The following KCNH2 variants were observed in gnomAD, a reference collection of about 807,000 sequenced individuals.
The protein encoded by KCNH2 is voltage-gated inwardly rectifying potassium channel KCNH2.
Under a neutral mutation model 95.9 loss-of-function variants are expected in KCNH2, and 35 were observed. The observed-to-expected ratio is 0.37, with a 90% CI of 0.28 to 0.48. The LOEUF (loss-of-function observed/expected upper bound fraction) is 0.48. Among genes scored for constraint, KCNH2 ranks in the 20% least tolerant of loss-of-function variants. KCNH2 has a pLI of 0.99. For synonymous variants in KCNH2, 786 were observed against 754.7 expected (o/e 1.04, Z -0.68); for missense variants, 1,274 against 1,702.9 (o/e 0.75, Z 4.43).
chr7:150,952,324 CTT>C lies in KCNH2; in HGVS notation c.1557+99_1557+100del. On this transcript the variant is annotated intron_variant, in intron 6 of 14. Coordinates refer to ENST00000262186, the MANE Select transcript of KCNH2 (RefSeq NM_000238.4). This position sits in a 1 kb window ranked among gnomAD's most constrained non-coding sequence, Gnocchi z 7.3. ...TCTTTCTCTCTTTCTCTCTCTCTCT[CTT>C]TTTCTCTGTCCTCCTCGCCACCCCC... The C allele has an allele frequency of 8.3e-7, 1 of 1,205,614 alleles. No homozygotes were observed. 74.7% of individuals were successfully genotyped at this position (1,205,614 alleles called of 1,614,324 possible).
chr7:150,949,388 A>G, intron 9 of KCNH2: 3 of 1,079,030 alleles, frequency 2.8e-6, no homozygotes, highest in African/African-American at 1.6e-5. Flanking sequence ...ATCAGAACAC[A>G]GTAGTGAATC....
chr7:150,955,776 C>T (rs1052839192), intron 5 of KCNH2: 95 of 1,208,138 alleles, frequency 7.9e-5, no homozygotes, highest in South Asian at 1.1e-4. Flanking sequence ...GTGCTCTGCC[C>T]GCCCGCCAGC....
intron 1 of KCNH2, among the ~76,000 whole-genome samples, chr7:150,977,533 A>G (rs1267058719): frequency 1.3e-5 from 2 of 151,988 alleles, no homozygotes; most frequent in South Asian, 2.1e-4. Context: ...AGTTGGGGAC[A>G]CCTGCACACT....
In KCNH2 at chr7:150,946,495, G is replaced by A. The variant is rs984310511; in HGVS notation, c.3330+382C>T. Among the ~76,000 whole-genome samples, 4 of 152,212 alleles carry A rather than the reference G, an allele frequency of 2.6e-5. No homozygotes were observed. The highest frequency in any genetic ancestry group is 7.2e-5 in the African/African-American group (3 of 41,468). ...TCTGGTATGCAGCCTCCACCGCCACGTCTCGGGCTCAGTCAGTTCTTGGAG... is the reference window on the plus strand; with the variant it reads ...TCTGGTATGCAGCCTCCACCGCCACATCTCGGGCTCAGTCAGTTCTTGGAG... On this transcript the variant is annotated intron_variant, in intron 14 of 14. Coordinates refer to ENST00000262186, the MANE Select transcript of KCNH2 (RefSeq NM_000238.4). The surrounding 1 kb of genome is among the most constrained non-coding windows in gnomAD (Gnocchi z 6.5).
At chr7:150,948,694 G>T in intron 10 of KCNH2, 151 bp from the exon 11 acceptor site, 1 of 1,101,288 alleles carries the variant, frequency 9.1e-7, no homozygotes, top group Non-Finnish European at 1.4e-6. Flanking sequence ...TTTTGCCCCA[G>T]GCAAAGACTG....
At position 150,947,526 on chromosome 7, in the gene KCNH2, G is replaced by A; in HGVS notation, c.2966-12C>T. 6 of 1,598,406 alleles carry A rather than the reference G, an allele frequency of 3.8e-6. No individual in the cohort carries two copies. Among genetic ancestry groups the A allele is most frequent in the Non-Finnish European group, 4.3e-6 (5 of 1,173,208 alleles). ...TCCTGAGAAGGCGCCTGCAGCCAGA[G>A]AGCAGAGCTGGGTGAGCGGGGTAGA... On this transcript the variant is annotated splice_polypyrimidine_tract_variant and intron_variant, in intron 12 of 14. Transcript: ENST00000262186.
intron 2 of KCNH2, 129 bp downstream of exon 2, chr7:150,974,582 C>T (rs1286684759): frequency 1.2e-6 from 1 of 823,834 alleles, no homozygotes; most frequent in East Asian, 2.8e-5. Context: ...CCCACAGAAC[C>T]CTGCCCGGGC....
chr7:150,949,406 GC>G (rs1207674129), intron 9 of KCNH2: 9 of 523,364 alleles, frequency 1.7e-5, no homozygotes, highest in Admixed American at 1.2e-4. Context: ...ATCAAAACCA[GC>G]ATTTTTTTTT....
chr7:150,970,215 C>A (rs1218945075), intron 2 of KCNH2, among the ~76,000 whole-genome samples: 1 of 151,998 alleles, frequency 6.6e-6, no homozygotes, highest in African/African-American at 2.4e-5. Flanking sequence ...TCCAAAATCA[C>A]CCCACCCAGG....
rs1354547135 is a variant in KCNH2, at chr7:150,952,349, C to T, written c.1557+76G>A. 3.5e-6 allele frequency: 5 copies of T among 1,411,464 alleles called. No individual in the cohort carries two copies. Among genetic ancestry groups the T allele is most frequent in the Non-Finnish European group, 4.9e-6 (5 of 1,015,850 alleles). 87.4% of individuals were successfully genotyped at this position (1,411,464 alleles called of 1,614,324 possible). ...CTTTTTCTCTGTCCTCCTCGCCACC[C>T]CCTCCACCCCACTACCTCCCACCAC... On this transcript the variant is annotated intron_variant, in intron 6 of 14. Transcript: ENST00000262186. This position sits in a 1 kb window ranked among gnomAD's most constrained non-coding sequence, Gnocchi z 7.3.
chr7:150,955,431 G>T (rs767264288), intron 5 of KCNH2: 2 of 1,565,506 alleles, frequency 1.3e-6, no homozygotes, highest in Non-Finnish European at 1.7e-6. Flanking sequence ...CGCACGGCCC[G>T]CCTCACCCGG....
chr7:150,950,568 G>T, intron 8 of KCNH2, 148 bp from the exon 9 acceptor site: 2 of 1,109,748 alleles, frequency 1.8e-6, no homozygotes, highest in Non-Finnish European at 1.3e-6. Context: ...CCAGTGTCTT[G>T]GGAAGGACCT....
In KCNH2 at chr7:150,952,956, CA is replaced by C. The variant is rs997093433; in HGVS notation, c.1129-104del. ...GGGCCAAGCAGAATGAGGAGGAGGC[CA>C]AAAAAAGCTTCCATCAGAATGCCCA... On this transcript the variant is annotated intron_variant, in intron 5 of 14. Transcript: ENST00000262186. The surrounding 1 kb of genome is among the most constrained non-coding windows in gnomAD (Gnocchi z 7.3). 56 of 1,135,472 alleles carry C rather than the reference CA, an allele frequency of 4.9e-5. No individual in the cohort carries two copies. The highest frequency in any genetic ancestry group is 5.9e-5 in the Non-Finnish European group (47 of 795,670). 70.3% of individuals were successfully genotyped at this position (1,135,472 alleles called of 1,614,324 possible). A position where few individuals can be genotyped will look rare whatever the true frequency, so the allele number is the denominator to read the frequency against.
intron 1 of KCNH2, 24 bp from the exon 2 acceptor site, chr7:150,974,965 C>T: frequency 1.9e-6 from 3 of 1,557,844 alleles, no homozygotes; most frequent in African/African-American, 2.7e-5. Context: ...GAGGAGAGTG[C>T]GCGTGAGCGG....
At chr7:150,967,669 A>G (rs1195421017) in intron 2 of KCNH2, among the ~76,000 whole-genome samples, 1 of 152,290 alleles carries the variant, frequency 6.6e-6, no homozygotes, top group Admixed American at 6.5e-5. Flanking sequence ...AACTGAGAAC[A>G]GCAAAACAAT....
chr7:150,949,043 T>C lies in KCNH2; in HGVS notation c.2405A>G (p.Asn802Ser), dbSNP rs863224632. 1.1e-5 allele frequency: 18 copies of C among 1,614,054 alleles called. No individual in the cohort carries two copies. The highest frequency in any genetic ancestry group is 1.5e-5 in the Non-Finnish European group (18 of 1,179,958). Reference protein sequence around the residue: ...GDVVVAILGKNDIFGEPLNLY... With the variant: ...GDVVVAILGKSDIFGEPLNLY... The stretch of plus-strand genomic sequence containing the variant: ...GTTCAGAGGCTCCCCAAAGATGTCA[T>C]TCTTCCCTGGAGGCCATGGAGAGGA... The change falls in exon 10 of 15, where the codon AAT becomes AGT. Residue 802 changes from asparagine to serine, a missense_variant. Physicochemically the swap from Asn to Ser is conservative, Grantham distance 46 (BLOSUM62 1). Transcript: ENST00000262186.
chr7:150,958,004 C>G (rs1180548014), intron 4 of KCNH2, 55 bp downstream of exon 4: 1 of 1,251,570 alleles, frequency 8.0e-7, no homozygotes, highest in Non-Finnish European at 1.0e-6. Context: ...ATGCAGCAAG[C>G]CTGGCAGCAG....
At position 150,961,350 on chromosome 7, in the gene KCNH2, T is replaced by G. The variant is rs1267778486; in HGVS notation, c.308-1614A>C. Among the ~76,000 whole-genome samples the G allele has an allele frequency of 1.3e-5, 2 of 148,732 alleles. No individual in the cohort carries two copies. The highest frequency in any genetic ancestry group is 6.9e-5 in the Admixed American group (1 of 14,554). The stretch of plus-strand genomic sequence containing the variant: ...TTTCACTCTGTCACCCAGGGTGGAG[T>G]GCAGCGGCATGATCTTGGCTCACTG... On this transcript the variant is annotated intron_variant, in intron 2 of 14. Coordinates refer to ENST00000262186, the MANE Select transcript of KCNH2 (RefSeq NM_000238.4). The surrounding 1 kb of genome is among the most constrained non-coding windows in gnomAD (Gnocchi z 6.2).
intron 11 of KCNH2, 24 bp downstream of exon 11, chr7:150,948,420 C>CCCCAA: frequency 7.5e-7 from 1 of 1,334,598 alleles, no homozygotes; most frequent in Non-Finnish European, 1.1e-6. Flanking sequence ...CCGCCCTCCC[C>CCCCAA]CTTCCTCCCC....
Sources: gnomAD v4.1 joint callset for allele counts (sites outside exome capture counted in the v4.1 genomes callset) on GRCh38, gnomAD v4.1.1 for gene constraint, Gnocchi (gnomAD v3.1) non-coding constraint, MANE v1.5 for transcripts, NCBI Gene and HGNC (gene_info 2026-07-23, HGNC 2026-07-21) for gene names.